The following ATF6 variants were observed in gnomAD, a reference collection of about 807,000 sequenced individuals.
The protein encoded by ATF6 is cyclic AMP-dependent transcription factor ATF-6 alpha.
In ATF6, 53 loss-of-function variants were observed where a neutral mutation model predicts 83.6. The observed-to-expected ratio is 0.63, with a 90% confidence interval of 0.51 to 0.80. The LOEUF is 0.80. ATF6 is among the 30% of genes least tolerant of loss of function. The probability of loss-of-function intolerance (pLI) is 0.00; values close to 1 mark genes in which losing one functional copy is unlikely to be tolerated. For synonymous variants in ATF6, 288 were observed against 285.8 expected, an observed-to-expected ratio of 1.01 and a Z score of -0.08; for missense variants, 744 against 797.9, an observed-to-expected ratio of 0.93 and a Z score of 0.81.
intron 12 of ATF6, among the ~76,000 whole-genome samples, chr1:161,858,827 A>T (rs1686819133): frequency 6.6e-6 from 1 of 152,158 alleles, no homozygotes; most frequent in Admixed American, 6.6e-5. Context: ...GGTAAACGGA[A>T]TATCTGTTTT....
chr1:161,853,171 A>C (rs1344614213), intron 11 of ATF6, 53 bp from the exon 12 acceptor site: 1 of 1,282,418 alleles, frequency 7.8e-7, no homozygotes, highest in Non-Finnish European at 1.1e-6. Flanking sequence ...TGAAACATCC[A>C]TTTCTATGTT....
At chr1:161,769,201 CT>C (rs1350588031) in intron 1 of ATF6, among the ~76,000 whole-genome samples, 1 of 152,152 alleles carries the variant, frequency 6.6e-6, no homozygotes, top group East Asian at 1.9e-4. Flanking sequence ...TTCTATAAAG[CT>C]TTATAGACAC....
chr1:161,864,478 A>G (rs1686949658), intron 14 of ATF6, among the ~76,000 whole-genome samples: 1 of 152,012 alleles, frequency 6.6e-6, no homozygotes, highest in African/African-American at 2.4e-5. Flanking sequence ...GATTATTACC[A>G]CTCACTGTCA....
intron 7 of ATF6, among the ~76,000 whole-genome samples, chr1:161,819,084 T>A (rs888315230): frequency 6.6e-6 from 1 of 152,146 alleles, no homozygotes; most frequent in Non-Finnish European, 1.5e-5. Context: ...TTTTAACATA[T>A]TCAATGAGTG....
chr1:161,798,022 T>A (rs1250545038), intron 6 of ATF6, among the ~76,000 whole-genome samples: 4 of 152,178 alleles, frequency 2.6e-5, no homozygotes, highest in African/African-American at 9.6e-5. Flanking sequence ...GCTGCACCCC[T>A]GCAACCATCT....
rs117276076 is a variant in ATF6 at position 161,821,630 on chromosome 1, G to A, written c.1187+469G>A. On this transcript the variant is annotated intron_variant, in intron 9 of 15. Coordinates refer to ENST00000367942, the MANE Select transcript of ATF6 (RefSeq NM_007348.4). ...AATGGCATGACATGTTCATAAAAAAGTGAAAAGTTCAGTGTATCTTGTATA... is the reference window on the plus strand; with the variant it reads ...AATGGCATGACATGTTCATAAAAAAATGAAAAGTTCAGTGTATCTTGTATA... 3.4e-4 allele frequency among the ~76,000 whole-genome samples: 52 copies of A among 152,328 alleles called. 1 individual carries two copies. The East Asian group carries it at 5.8e-3, about 17-fold the overall frequency.
chr1:161,892,536 C>T (rs571146679), intron 14 of ATF6, among the ~76,000 whole-genome samples: 1 of 152,174 alleles, frequency 6.6e-6, no homozygotes, highest in South Asian at 2.1e-4. Flanking sequence ...TACTTTTTCC[C>T]CCAGTTGATT....
rs1169905399 is a variant in ATF6, at chr1:161,963,524, C to A, written c.*4870C>A. Reference sequence around the variant, plus strand: ...TTTATCATTTGCCAAGGCCAACAAACAACACTATTGTGCTGTTTGCTCTCA... The same window carrying A: ...TTTATCATTTGCCAAGGCCAACAAAAAACACTATTGTGCTGTTTGCTCTCA... On this transcript the variant is annotated 3_prime_UTR_variant, in exon 16 of 16. Transcript: ENST00000367942. The A allele has an allele frequency of 6.6e-6, 1 of 152,206 alleles. No homozygotes were observed. Among genetic ancestry groups the A allele is most frequent in the East Asian group, 1.9e-4 (1 of 5,206 alleles). The allele number at this position is 152,206 out of a possible 1,614,324, so 9.4% of individuals were successfully genotyped here.
At chr1:161,839,925 G>C (rs975821418) in intron 9 of ATF6, 1 of 152,214 alleles carries the variant, frequency 6.6e-6, no homozygotes, top group Admixed American at 6.5e-5. Context: ...ATTGAGGTAA[G>C]ACTTCTGTCG....
intron 15 of ATF6, among the ~76,000 whole-genome samples, chr1:161,922,034 G>A (rs1291756569): frequency 6.6e-6 from 1 of 152,046 alleles, no homozygotes; most frequent in East Asian, 1.9e-4. Context: ...GCTTTGCCTT[G>A]GGCATGATTG....
intron 6 of ATF6, among the ~76,000 whole-genome samples, chr1:161,799,773 C>T (rs1685101582): frequency 6.6e-6 from 1 of 151,976 alleles, no homozygotes; most frequent in South Asian, 2.1e-4. Flanking sequence ...TTTTTGAGGC[C>T]ATCTGAAACA....
At chr1:161,818,823 A>G (rs534843566) in intron 7 of ATF6, among the ~76,000 whole-genome samples, 2 of 152,246 alleles carry the variant, frequency 1.3e-5, no homozygotes, top group Non-Finnish European at 2.9e-5. Context: ...TTAAAAGAAA[A>G]GATGGGTAGC....
intron 1 of ATF6, among the ~76,000 whole-genome samples, chr1:161,769,712 G>A (rs1684340630): frequency 6.6e-6 from 1 of 152,024 alleles, no homozygotes; most frequent in Non-Finnish European, 1.5e-5. Flanking sequence ...GGGGTGATGG[G>A]AGACAGTGAT....
At chr1:161,817,826 G>A (rs1031353991) in intron 7 of ATF6, among the ~76,000 whole-genome samples, 2 of 151,786 alleles carry the variant, frequency 1.3e-5, no homozygotes, top group African/African-American at 4.9e-5. Context: ...AGGCTGGCAC[G>A]GTGGCTCACA....
intron 1 of ATF6, among the ~76,000 whole-genome samples, chr1:161,776,728 T>G (rs1405501502): frequency 6.6e-6 from 1 of 152,198 alleles, no homozygotes; most frequent in Non-Finnish European, 1.5e-5. Flanking sequence ...TTTGGATATG[T>G]TAGGTTTGAC....
chr1:161,952,452 CT>C (rs1385951704), intron 15 of ATF6, among the ~76,000 whole-genome samples: 2 of 152,080 alleles, frequency 1.3e-5, no homozygotes, highest in African/African-American at 2.4e-5. Flanking sequence ...AACTTCCATG[CT>C]TTTTCCCCCC....
intron 15 of ATF6, 97 bp from the exon 16 acceptor site, chr1:161,958,349 C>T: frequency 1.6e-6 from 2 of 1,270,300 alleles, no homozygotes; most frequent in South Asian, 1.4e-5. Flanking sequence ...ACAGTTCACA[C>T]CCTTAAAGCA....
At chr1:161,775,732 T>G (rs942305480) in intron 1 of ATF6, among the ~76,000 whole-genome samples, 16 of 152,274 alleles carry the variant, frequency 1.1e-4, no homozygotes, top group African/African-American at 3.8e-4. Context: ...CTGCAAGCCC[T>G]GGAATTGGTT....
chr1:161,861,670 G>A (rs1303258021), intron 13 of ATF6, among the ~76,000 whole-genome samples: 2 of 152,090 alleles, frequency 1.3e-5, no homozygotes, highest in African/African-American at 2.4e-5. Context: ...AAATGTATTT[G>A]TAACCCCTAA....
Sources: gnomAD v4.1 joint callset for allele counts (sites outside exome capture counted in the v4.1 genomes callset) on GRCh38, gnomAD v4.1.1 for gene constraint, MANE v1.5 for transcripts, NCBI Gene and HGNC (gene_info 2026-07-23, HGNC 2026-07-21) for gene names.